Variants in COLQ observed in about 807,000 individuals in gnomAD.
COLQ encodes acetylcholinesterase collagenic tail peptide.
A neutral mutation model predicts 69.0 loss-of-function variants in COLQ; 48 were observed. The ratio of observed to expected loss-of-function variants is 0.70; its 90% CI spans 0.55 to 0.88. The LOEUF is 0.88. Ranked by LOEUF, COLQ falls within the 40% of genes least tolerant of loss-of-function variation. The pLI, the probability that COLQ is intolerant of heterozygous loss-of-function variation, is 0.00. For missense variants in COLQ, 618 were observed against 594.6 expected (o/e 1.04, Z -0.41); for synonymous variants, 217 against 211.2 (o/e 1.03, Z -0.24).
intron 1 of COLQ, among the ~76,000 whole-genome samples, chr3:15,501,289 G>C (rs555808665): frequency 6.6e-6 from 1 of 152,208 alleles, no homozygotes; most frequent in East Asian, 1.9e-4. Flanking sequence ...AGCTGTTCCA[G>C]GTGCTCCTGT....
intron 4 of COLQ, among the ~76,000 whole-genome samples, 161 bp downstream of exon 4, chr3:15,479,177 A>G (rs1419902167): frequency 6.6e-6 from 1 of 152,134 alleles, no homozygotes; most frequent in African/African-American, 2.4e-5. Flanking sequence ...GTGGTATCCC[A>G]TATGTGCTGC....
In COLQ at chr3:15,456,009, A is replaced by G. The variant is rs754357969; in HGVS notation, c.1085T>C (p.Phe362Ser). The change falls in exon 15 of 17, where the codon TTC becomes TCC. Residue 362 changes from phenylalanine (F) to serine (S), a missense_variant. Physicochemically the swap from Phe to Ser is radical, Grantham distance 155 (BLOSUM62 -2). Coordinates refer to ENST00000383788, the MANE Select transcript of COLQ (RefSeq NM_005677.4). ...LGWLPIQLTPFYPVDYTADQH... is the reference protein window; with the variant it reads ...LGWLPIQLTPSYPVDYTADQH... ...GTCTGCAGTGTAATCCACAGGGTAG[A>G]AAGGGGTCAGCTGGCCAAAGAAGCA... 4 of 1,614,058 alleles carry G rather than the reference A, an allele frequency of 2.5e-6. No individual in the cohort carries two copies. Among genetic ancestry groups the G allele is most frequent in the Non-Finnish European group, 3.4e-6 (4 of 1,179,996 alleles).
intron 13 of COLQ, among the ~76,000 whole-genome samples, chr3:15,457,635 C>A (rs968572071): frequency 1.2e-5 from 1 of 83,430 alleles, no homozygotes; most frequent in Non-Finnish European, 2.4e-5. Context: ...TTTTTTGAGA[C>A]GGAGTCTCGC....
At chr3:15,477,521 A>G (rs759419810) in intron 5 of COLQ, 3 of 356,746 alleles carry the variant, frequency 8.4e-6, no homozygotes, top group Non-Finnish European at 1.6e-5. Context: ...AGGATGTGCT[A>G]TGGAATGAGA....
chr3:15,459,280 T>C (rs2062071209), intron 12 of COLQ, among the ~76,000 whole-genome samples: 1 of 152,090 alleles, frequency 6.6e-6, no homozygotes, highest in Non-Finnish European at 1.5e-5. Flanking sequence ...CTTGAAAAGA[T>C]ATGATCAGAA....
intron 3 of COLQ, among the ~76,000 whole-genome samples, chr3:15,480,010 A>G (rs777887504): frequency 6.6e-6 from 1 of 152,196 alleles, no homozygotes; most frequent in African/African-American, 2.4e-5. Context: ...AACTCACTGC[A>G]TCAAAGCTTT....
rs57994138 is a variant in COLQ at position 15,462,021 on chromosome 3, A to ATTTGTTTG, written c.815-3697_815-3696insCAAACAAA. 3.7e-3 allele frequency among the ~76,000 whole-genome samples: 556 copies of ATTTGTTTG among 150,642 alleles called. 4 individuals are homozygous for ATTTGTTTG. The highest frequency in any genetic ancestry group is 0.012 in the African/African-American group (490 of 40,936). The stretch of plus-strand genomic sequence containing the variant: ...AACTTATTTATTTATTTATTTATTT[A>ATTTGTTTG]TTTATTTATTTATTTATTTATTTTT... On this transcript the variant is annotated intron_variant, in intron 12 of 16. Transcript: ENST00000383788.
At chr3:15,467,919 G>C (rs1196619376) in intron 11 of COLQ, 1 of 456,640 alleles carries the variant, frequency 2.2e-6, no homozygotes, top group Non-Finnish European at 4.4e-6. Context: ...TCTGAATATG[G>C]GATCCGTGAG....
chr3:15,451,916 A>C (rs892112255), intron 16 of COLQ, among the ~76,000 whole-genome samples: 7 of 152,092 alleles, frequency 4.6e-5, no homozygotes, highest in African/African-American at 1.7e-4. Context: ...GGGTGGAAGG[A>C]GGTGGTTGCC....
chr3:15,477,422 AG>A (rs2062399172), intron 5 of COLQ: 3 of 557,032 alleles, frequency 5.4e-6, no homozygotes, highest in Non-Finnish European at 6.4e-6. Context: ...GTGGTGAGAA[AG>A]GGACTCTAAA....
At chr3:15,488,917 C>G (rs547501583) in intron 2 of COLQ, among the ~76,000 whole-genome samples, 1 of 152,342 alleles carries the variant, frequency 6.6e-6, no homozygotes, top group Non-Finnish European at 1.5e-5. Context: ...TGGCTAGTGG[C>G]TCCTGAATTG....
At chr3:15,503,900 T>C (rs1229739334) in intron 1 of COLQ, among the ~76,000 whole-genome samples, 1 of 151,808 alleles carries the variant, frequency 6.6e-6, no homozygotes, top group Non-Finnish European at 1.5e-5. Context: ...GAGCCAGAAG[T>C]GTCGCCTCAG....
At chr3:15,478,129 G>C (rs574120140) in intron 5 of COLQ, among the ~76,000 whole-genome samples, 9 of 152,264 alleles carry the variant, frequency 5.9e-5, no homozygotes, top group Admixed American at 4.6e-4. Context: ...AATCAATCAT[G>C]GTCCTTGTTA....
intron 1 of COLQ, among the ~76,000 whole-genome samples, chr3:15,490,050 C>G (rs1243082472): frequency 6.6e-6 from 1 of 152,158 alleles, no homozygotes; most frequent in Non-Finnish European, 1.5e-5. Context: ...GGGAGGCAGC[C>G]AGGGCCAGTG....
intron 5 of COLQ, 131 bp from the exon 6 acceptor site, chr3:15,477,328 C>A: frequency 1.3e-6 from 1 of 788,198 alleles, no homozygotes; most frequent in Non-Finnish European, 2.2e-6. Context: ...CTCATCCCCA[C>A]TCTCCGAAGA....
chr3:15,497,557 C>T (rs2062763252), intron 1 of COLQ, among the ~76,000 whole-genome samples: 1 of 152,206 alleles, frequency 6.6e-6, no homozygotes, highest in South Asian at 2.1e-4. Context: ...GTGACATAAG[C>T]ATCCTGCCTC....
At chr3:15,488,829 G>A (rs1036755700) in intron 2 of COLQ, among the ~76,000 whole-genome samples, 95 of 152,114 alleles carry the variant, frequency 6.2e-4, no homozygotes, top group African/African-American at 2.2e-3. Context: ...TACTTCTTTC[G>A]AAATCCAGTA....
At chr3:15,488,599 T>C (rs543837181) in intron 2 of COLQ, among the ~76,000 whole-genome samples, 3 of 152,270 alleles carry the variant, frequency 2.0e-5, no homozygotes, top group South Asian at 4.1e-4. Context: ...CACTGTCCAA[T>C]GGAAACATAA....
chr3:15,512,437 G>C (rs1367690922), intron 1 of COLQ, among the ~76,000 whole-genome samples: 3 of 152,274 alleles, frequency 2.0e-5, no homozygotes, highest in African/African-American at 7.2e-5. Context: ...AGATGGAAGA[G>C]GGCCAGGTGT....
Sources: allele counts gnomAD v4.1 joint callset (sites outside exome capture counted in the v4.1 genomes callset), GRCh38; gene constraint gnomAD v4.1.1; transcripts MANE v1.5; gene names NCBI Gene and HGNC (gene_info 2026-07-23, HGNC 2026-07-21).